The following GRID2 variants were observed in gnomAD, a reference collection of about 807,000 sequenced individuals.
The protein encoded by GRID2 is glutamate receptor ionotropic, delta-2.
In GRID2, 33 loss-of-function variants were observed where a neutral mutation model predicts 114.8. The observed-to-expected ratio is 0.29, with a 90% CI of 0.22 to 0.38. The LOEUF is 0.38. Among genes scored for constraint, GRID2 ranks in the 10% least tolerant of loss-of-function variants. GRID2 has a pLI of 1.00. For missense variants in GRID2, 1,184 were observed against 1,257.7 expected (o/e 0.94, Z 0.89); for synonymous variants, 505 against 449.9 (o/e 1.12, Z -1.55).
intron 2 of GRID2, among the ~76,000 whole-genome samples, chr4:92,948,915 G>A (rs539369157): frequency 1.5e-4 from 22 of 151,696 alleles, no homozygotes; most frequent in Non-Finnish European, 2.9e-4. Flanking sequence ...TTTAAATCTA[G>A]GAATAATATC....
intron 1 of GRID2, among the ~76,000 whole-genome samples, chr4:92,443,933 G>A (rs1182600464): frequency 1.3e-5 from 2 of 152,154 alleles, no homozygotes; most frequent in Non-Finnish European, 2.9e-5. Flanking sequence ...TATCTCCTTT[G>A]TCTCTCCCAG....
chr4:93,715,798 G>A (rs1468212124), intron 14 of GRID2, among the ~76,000 whole-genome samples: 1 of 152,172 alleles, frequency 6.6e-6, no homozygotes, highest in African/African-American at 2.4e-5. Flanking sequence ...TGAGACTGCT[G>A]AAGTTGTATA....
chr4:92,419,486 A>G (rs1376364658), intron 1 of GRID2, among the ~76,000 whole-genome samples: 4 of 152,180 alleles, frequency 2.6e-5, no homozygotes, highest in Non-Finnish European at 4.4e-5. Flanking sequence ...AAATAAATTT[A>G]AACAACATGA....
At chr4:92,958,748 A>G (rs1752596756) in intron 2 of GRID2, among the ~76,000 whole-genome samples, 1 of 152,044 alleles carries the variant, frequency 6.6e-6, no homozygotes, top group Admixed American at 6.6e-5. Context: ...AAATTGGTAT[A>G]ATTTCTTCCT....
intron 2 of GRID2, among the ~76,000 whole-genome samples, chr4:92,685,517 A>G (rs1733855795): frequency 6.6e-6 from 1 of 152,112 alleles, no homozygotes; most frequent in South Asian, 2.1e-4. Context: ...CAAAAGTTTT[A>G]GAAAACTTAA....
chr4:92,429,476 A>G (rs927748285), intron 1 of GRID2, among the ~76,000 whole-genome samples: 1 of 152,004 alleles, frequency 6.6e-6, no homozygotes, highest in Non-Finnish European at 1.5e-5. Flanking sequence ...TGTGTACTGC[A>G]TTTTCTTTGT....
At chr4:93,407,575 A>T (rs17020564) in intron 9 of GRID2, among the ~76,000 whole-genome samples, 34,264 of 152,110 alleles carry the variant, frequency 0.23, 5,404 homozygotes, top group African/African-American at 0.45. Flanking sequence ...GAAACTGAAT[A>T]TGTGATCCTT....
At position 93,103,906 on chromosome 4, in the gene GRID2, A is replaced by C. The variant is rs534002687; in HGVS notation, c.530-6842A>C. On this transcript the variant is annotated intron_variant, in intron 3 of 15. Coordinates refer to ENST00000282020, the MANE Select transcript of GRID2 (RefSeq NM_001510.4). ...CCCATAGAAATGGGATTGAGCAAAA[A>C]TCTTCATTTTTTTTTTTTTTTAAGT... 5.9e-5 allele frequency among the ~76,000 whole-genome samples: 9 copies of C among 151,484 alleles called. No homozygotes were observed. In the East Asian group the frequency reaches 1.7e-3, roughly 29 times the overall value.
intron 2 of GRID2, among the ~76,000 whole-genome samples, chr4:92,814,663 T>C (rs373895468): frequency 2.0e-5 from 3 of 152,176 alleles, no homozygotes; most frequent in Non-Finnish European, 2.9e-5. Flanking sequence ...TGCTATGCTA[T>C]CTGAGAGGGT....
rs567257733 is a variant in GRID2, at chr4:92,863,788, A to G, written c.245-221207A>G. ...CTATTGTTAGGTCACCATGGAAGGA[A>G]CATCATTGAAGTCAGTCAGTGTAGT... is the stretch of plus-strand genomic sequence containing the variant. On this transcript the variant is annotated intron_variant, in intron 2 of 15. Transcript: ENST00000282020. 1.1e-4 allele frequency among the ~76,000 whole-genome samples: 17 copies of G among 152,226 alleles called. No homozygotes were observed. In the East Asian group the frequency reaches 3.1e-3, roughly 28 times the overall value.
chr4:93,756,620 TC>T (rs1732771701), intron 14 of GRID2, among the ~76,000 whole-genome samples: 1 of 152,090 alleles, frequency 6.6e-6, no homozygotes, highest in Non-Finnish European at 1.5e-5. Flanking sequence ...TCAAATCAGG[TC>T]CCCATTCTCC....
At chr4:93,638,082 T>C (rs1486118939) in intron 14 of GRID2, among the ~76,000 whole-genome samples, 2 of 152,250 alleles carry the variant, frequency 1.3e-5, no homozygotes, top group East Asian at 1.9e-4. Context: ...TAACGATTTC[T>C]GTCTTTGTGA....
At chr4:93,081,681 G>A (rs1729881732) in intron 2 of GRID2, among the ~76,000 whole-genome samples, 1 of 151,974 alleles carries the variant, frequency 6.6e-6, no homozygotes, top group Admixed American at 6.6e-5. Flanking sequence ...TAAATCACAA[G>A]GCTTGAAATA....
intron 2 of GRID2, among the ~76,000 whole-genome samples, chr4:93,045,968 G>A (rs1273231226): frequency 6.6e-6 from 1 of 151,994 alleles, no homozygotes; most frequent in Non-Finnish European, 1.5e-5. Context: ...AGTTGAGTGG[G>A]ATTAATCCCC....
chr4:93,426,811 A>T (rs1358650377), intron 10 of GRID2, among the ~76,000 whole-genome samples: 2 of 152,086 alleles, frequency 1.3e-5, no homozygotes, highest in Non-Finnish European at 2.9e-5. Flanking sequence ...TTGAGGCTTA[A>T]AGAAGCAGAC....
At chr4:92,675,930 A>G (rs967207169) in intron 2 of GRID2, among the ~76,000 whole-genome samples, 2 of 151,844 alleles carry the variant, frequency 1.3e-5, no homozygotes, top group South Asian at 4.2e-4. Context: ...GTCACCTAAT[A>G]TGTTTACCTT....
At chr4:93,677,632 C>T (rs763485524) in intron 14 of GRID2, among the ~76,000 whole-genome samples, 35 of 152,256 alleles carry the variant, frequency 2.3e-4, no homozygotes, top group Admixed American at 8.5e-4. Flanking sequence ...TGAAAATCCG[C>T]GGTTCTGCAG....
At chr4:92,757,867 A>G (rs1374244327) in intron 2 of GRID2, among the ~76,000 whole-genome samples, 4 of 150,542 alleles carry the variant, frequency 2.7e-5, no homozygotes, top group Non-Finnish European at 4.4e-5. Context: ...AAAGGTTTAT[A>G]CATTGGATTT....
chr4:92,975,082 G>A (rs946683244), intron 2 of GRID2, among the ~76,000 whole-genome samples: 16 of 144,792 alleles, frequency 1.1e-4, no homozygotes, highest in Admixed American at 5.8e-4. Flanking sequence ...GCGTGAACCC[G>A]GGGTGTGGAG....
Sources: gnomAD v4.1 joint callset for allele counts (sites outside exome capture counted in the v4.1 genomes callset) on GRCh38, gnomAD v4.1.1 for gene constraint, MANE v1.5 for transcripts, NCBI Gene and HGNC (gene_info 2026-07-23, HGNC 2026-07-21) for gene names.